Variants in CYYR1 observed in about 807,000 individuals in gnomAD.
CYYR1 encodes cysteine and tyrosine rich 1, also known as cysteine and tyrosine-rich protein 1.
In CYYR1, 14 loss-of-function variants were observed where a neutral mutation model predicts 15.2. The ratio of observed to expected loss-of-function variants is 0.92; its 90% CI spans 0.61 to 1.44. The LOEUF is 1.44. CYYR1 is among the 40% of genes most tolerant of loss of function. The pLI is 0.00. For synonymous variants in CYYR1, 80 were observed against 77.4 expected, an observed-to-expected ratio of 1.03 and a Z score of -0.18; for missense variants, 228 against 209.5, an observed-to-expected ratio of 1.09 and a Z score of -0.54.
intron 2 of CYYR1, among the ~76,000 whole-genome samples, chr21:26,496,420 T>A (rs2065405491): frequency 6.6e-6 from 1 of 152,214 alleles, no homozygotes; most frequent in Non-Finnish European, 1.5e-5. Context: ...AGTACTTCCA[T>A]CAACAGAGAT....
At chr21:26,572,580 C>T (rs1445201617) in intron 1 of CYYR1, among the ~76,000 whole-genome samples, 1 of 152,154 alleles carries the variant, frequency 6.6e-6, no homozygotes, top group Non-Finnish European at 1.5e-5. Context: ...ATATAGTTTA[C>T]TCTATCCAGA....
At chr21:26,562,829 C>CACACACACACACACA (rs1555912082) in intron 2 of CYYR1, among the ~76,000 whole-genome samples, 1 of 150,718 alleles carries the variant, frequency 6.6e-6, no homozygotes, top group Non-Finnish European at 1.5e-5. Flanking sequence ...CACACACACA[C>CACACACACACACACA]GGACAGACTT....
At chr21:26,515,700 A>G (rs887949627) in intron 2 of CYYR1, among the ~76,000 whole-genome samples, 15 of 152,178 alleles carry the variant, frequency 9.9e-5, no homozygotes, top group African/African-American at 3.6e-4. Flanking sequence ...ATCTGAAATA[A>G]TACTAAAAAC....
At position 26,545,198 on chromosome 21, in the gene CYYR1, A is replaced by T. The variant is rs191795544; in HGVS notation, c.176+21068T>A. Among the ~76,000 whole-genome samples the T allele has an allele frequency of 2.6e-5, 4 of 152,288 alleles. No homozygotes were observed. The East Asian group carries it at 7.7e-4, about 29-fold the overall frequency. On this transcript the variant is annotated intron_variant, in intron 2 of 3. Transcript: ENST00000652641. ...ATAAAAAGTATTTGTGTTAATTTGAACTATCTTATTTTTAAGGTTCAATTT... is the reference window on the plus strand; with the variant it reads ...ATAAAAAGTATTTGTGTTAATTTGATCTATCTTATTTTTAAGGTTCAATTT...
intron 2 of CYYR1, among the ~76,000 whole-genome samples, chr21:26,483,134 T>A (rs1386388248): frequency 1.3e-5 from 2 of 152,022 alleles, no homozygotes; most frequent in Admixed American, 1.3e-4. Flanking sequence ...TCTTCCAAAG[T>A]TGTACTAAAC....
intron 2 of CYYR1, among the ~76,000 whole-genome samples, chr21:26,560,824 T>A (rs959193525): frequency 3.9e-5 from 6 of 152,170 alleles, no homozygotes; most frequent in African/African-American, 1.4e-4. Flanking sequence ...TCTAAGCAAC[T>A]CAAGGGCAGG....
intron 2 of CYYR1, among the ~76,000 whole-genome samples, chr21:26,543,768 T>C (rs1275796560): frequency 6.6e-6 from 1 of 151,888 alleles, no homozygotes; most frequent in East Asian, 1.9e-4. Flanking sequence ...TTAGGGGGTG[T>C]GGTTGTGGAC....
rs562238685 is a variant in CYYR1, at chr21:26,468,176, A to G, written c.*325T>C. 17 of 327,360 alleles carry G rather than the reference A, an allele frequency of 5.2e-5. No individual in the cohort carries two copies. Among genetic ancestry groups the G allele is most frequent in the African/African-American group, 3.7e-4 (17 of 46,410 alleles). 20.3% of individuals were successfully genotyped at this position (327,360 alleles called of 1,614,324 possible). On this transcript the variant is annotated 3_prime_UTR_variant, in exon 4 of 4. Coordinates refer to ENST00000652641, the MANE Select transcript of CYYR1 (RefSeq NM_001320768.2). ...TAGATCTTCTTTTTTTCCAGGATCAATACTGAAACTTTCTTCACCTAGCCC... is the reference window on the plus strand; with the variant it reads ...TAGATCTTCTTTTTTTCCAGGATCAGTACTGAAACTTTCTTCACCTAGCCC...
At chr21:26,514,636 C>G (rs1247691140) in intron 2 of CYYR1, among the ~76,000 whole-genome samples, 2 of 152,156 alleles carry the variant, frequency 1.3e-5, no homozygotes, top group Non-Finnish European at 2.9e-5. Context: ...TTTCCTAGTG[C>G]AGGGAGACAG....
chr21:26,551,373 A>T (rs1035931904), intron 2 of CYYR1: 1 of 152,638 alleles, frequency 6.6e-6, no homozygotes, highest in Non-Finnish European at 1.5e-5. Flanking sequence ...TGAGAAATAA[A>T]TTTTGTAAGG....
intron 2 of CYYR1, among the ~76,000 whole-genome samples, chr21:26,495,331 C>T (rs1231145646): frequency 2.0e-5 from 3 of 152,184 alleles, no homozygotes; most frequent in African/African-American, 2.4e-5. Context: ...AGCAAGCTTG[C>T]AACAGTTAGG....
chr21:26,534,510 C>G (rs917503825), intron 2 of CYYR1, among the ~76,000 whole-genome samples: 5 of 152,034 alleles, frequency 3.3e-5, no homozygotes, highest in African/African-American at 1.2e-4. Context: ...TTTGGATTTG[C>G]CCAATGAAAG....
intron 1 of CYYR1, among the ~76,000 whole-genome samples, chr21:26,567,482 A>G (rs1207421683): frequency 6.6e-6 from 1 of 152,200 alleles, no homozygotes; most frequent in Non-Finnish European, 1.5e-5. Flanking sequence ...GCTTTTAAGT[A>G]TTCTTTATTC....
At chr21:26,555,758 C>G (rs1402246106) in intron 2 of CYYR1, among the ~76,000 whole-genome samples, 1 of 152,134 alleles carries the variant, frequency 6.6e-6, no homozygotes, top group Non-Finnish European at 1.5e-5. Context: ...TGTGTACATC[C>G]TAACATTTTG....
At chr21:26,511,525 G>T (rs903180051) in intron 2 of CYYR1, among the ~76,000 whole-genome samples, 3 of 152,148 alleles carry the variant, frequency 2.0e-5, no homozygotes, top group African/African-American at 7.2e-5. Context: ...ATGAGATAAA[G>T]CTTTGTACAA....
intron 1 of CYYR1, among the ~76,000 whole-genome samples, chr21:26,569,684 C>G (rs538567786): frequency 2.7e-4 from 41 of 152,318 alleles, no homozygotes; most frequent in Middle Eastern, 3.4e-3. Flanking sequence ...AGTAGGACAA[C>G]CAATGTGTAA....
In CYYR1 at chr21:26,467,298, A is replaced by G. The variant is rs573076634; in HGVS notation, c.*1203T>C. The G allele has an allele frequency of 6.6e-6, 1 of 152,230 alleles. No homozygotes were observed. The highest frequency in any genetic ancestry group is 1.5e-5 in the Non-Finnish European group (1 of 68,032). 9.4% of individuals were successfully genotyped at this position (152,230 alleles called of 1,614,324 possible). On this transcript the variant is annotated 3_prime_UTR_variant, in exon 4 of 4. Coordinates refer to ENST00000652641, the MANE Select transcript of CYYR1 (RefSeq NM_001320768.2). ...ATTAGAATTATTTATTAAATGCTTT[A>G]TACATATAAAGGTAGGCACTTCATA...
chr21:26,537,624 CA>C (rs1569165468), intron 2 of CYYR1, among the ~76,000 whole-genome samples: 1 of 152,096 alleles, frequency 6.6e-6, no homozygotes, highest in African/African-American at 2.4e-5. Context: ...TTTCACTGGG[CA>C]AAGCAAATCG....
At chr21:26,493,544 G>A (rs2065356295) in intron 2 of CYYR1, among the ~76,000 whole-genome samples, 1 of 152,136 alleles carries the variant, frequency 6.6e-6, no homozygotes, top group Admixed American at 6.6e-5. Context: ...CCTATTCCAA[G>A]TCACCCAAAG....
Sources: gnomAD v4.1 joint callset for allele counts (sites outside exome capture counted in the v4.1 genomes callset) on GRCh38, gnomAD v4.1.1 for gene constraint, MANE v1.5 for transcripts, NCBI Gene and HGNC (gene_info 2026-07-23, HGNC 2026-07-21) for gene names.